RSRC1: variants seen among roughly 807,000 people sequenced by gnomAD.
RSRC1 encodes the protein arginine and serine rich coiled-coil 1.
RSRC1 carries 39 observed loss-of-function variants against 49.1 expected under a neutral mutation model. The observed-to-expected ratio is 0.79, with a 90% CI of 0.61 to 1.04. The LOEUF is 1.04. RSRC1 is among the 50% of genes least tolerant of loss of function. The pLI is 0.00. For synonymous variants in RSRC1, 143 were observed against 130.8 expected (o/e 1.09, Z -0.63); for missense variants, 388 against 402.4 (o/e 0.96, Z 0.31).
At chr3:158,265,043 TA>T (rs1228541953) in intron 4 of RSRC1, among the ~76,000 whole-genome samples, 2 of 152,208 alleles carry the variant, frequency 1.3e-5, no homozygotes, top group Non-Finnish European at 2.9e-5. Context: ...TGTGAACTCT[TA>T]ACTGCCTTGG....
intron 7 of RSRC1, among the ~76,000 whole-genome samples, chr3:158,487,949 G>GGAA (rs1553814781): frequency 0.014 from 417 of 28,930 alleles, 27 homozygotes; most frequent in Middle Eastern, 0.036. Context: ...TCCATCTCAA[G>GGAA]AAAAAAAAAA....
chr3:158,432,767 A>G (rs1455236309), intron 6 of RSRC1, among the ~76,000 whole-genome samples: 1 of 151,946 alleles, frequency 6.6e-6, no homozygotes, highest in Admixed American at 6.6e-5. Flanking sequence ...ATTTCTCATA[A>G]TATCAGGCAT....
chr3:158,247,798 A>G (rs1723990058), intron 4 of RSRC1, among the ~76,000 whole-genome samples: 1 of 151,982 alleles, frequency 6.6e-6, no homozygotes, highest in South Asian at 2.1e-4. Flanking sequence ...GCACTGACCT[A>G]TTGCCATCCT....
chr3:158,448,650 A>T (rs947084270), intron 6 of RSRC1, among the ~76,000 whole-genome samples: 2 of 151,974 alleles, frequency 1.3e-5, no homozygotes, highest in Admixed American at 1.3e-4. Flanking sequence ...TACTGCATAC[A>T]GCTGAATTAG....
At chr3:158,146,270 A>C (rs1717108896) in intron 3 of RSRC1, among the ~76,000 whole-genome samples, 1 of 152,176 alleles carries the variant, frequency 6.6e-6, no homozygotes, top group South Asian at 2.1e-4. Flanking sequence ...TGGGTTTGTC[A>C]TTAATAGCTC....
At chr3:158,281,781 G>C (rs529754978) in intron 4 of RSRC1, among the ~76,000 whole-genome samples, 1 of 152,214 alleles carries the variant, frequency 6.6e-6, no homozygotes, top group African/African-American at 2.4e-5. Flanking sequence ...GGGAACCACT[G>C]ATGACTTTAG....
chr3:158,132,057 C>T (rs1391943972), intron 3 of RSRC1: 1 of 421,538 alleles, frequency 2.4e-6, no homozygotes, highest in Non-Finnish European at 4.9e-6. Context: ...AATCTTGGCT[C>T]ACTGTAGCCT....
intron 3 of RSRC1, among the ~76,000 whole-genome samples, chr3:158,202,561 A>ATT (rs1263585130): frequency 0.048 from 1,519 of 31,978 alleles, 121 homozygotes; most frequent in East Asian, 0.1. Flanking sequence ...AGTCTGGTAG[A>ATT]TTATATATAT....
intron 3 of RSRC1, among the ~76,000 whole-genome samples, chr3:158,185,215 A>G (rs545380297): frequency 6.6e-6 from 1 of 151,952 alleles, no homozygotes; most frequent in African/African-American, 2.4e-5. Flanking sequence ...TTTGAAATGC[A>G]GTGTCTTTGA....
At chr3:158,430,076 A>T (rs946377333) in intron 6 of RSRC1, among the ~76,000 whole-genome samples, 1 of 149,558 alleles carries the variant, frequency 6.7e-6, no homozygotes, top group East Asian at 2.0e-4. Context: ...CACACACAAA[A>T]AAAATAAAAT....
chr3:158,199,655 A>C (rs1720910186), intron 3 of RSRC1, among the ~76,000 whole-genome samples: 1 of 152,144 alleles, frequency 6.6e-6, no homozygotes, highest in African/African-American at 2.4e-5. Context: ...TAAAACTATA[A>C]ATTTCTCCCT....
intron 7 of RSRC1, among the ~76,000 whole-genome samples, chr3:158,518,963 A>T (rs1183352992): frequency 1.3e-5 from 2 of 151,906 alleles, no homozygotes; most frequent in Non-Finnish European, 2.9e-5. Context: ...TTACTTCCAA[A>T]TTTTTATCTG....
intron 6 of RSRC1, among the ~76,000 whole-genome samples, chr3:158,425,147 T>C (rs1165560576): frequency 1.3e-5 from 2 of 151,832 alleles, no homozygotes; most frequent in Non-Finnish European, 2.9e-5. Flanking sequence ...GCTCTTGCTT[T>C]TCTAGTTCTT....
At chr3:158,476,258 C>T (rs538537220) in intron 7 of RSRC1, among the ~76,000 whole-genome samples, 2 of 152,092 alleles carry the variant, frequency 1.3e-5, no homozygotes, top group African/African-American at 2.4e-5. Context: ...GTCTTCGTAA[C>T]GTAAAAGTGC....
At chr3:158,396,365 A>T (rs759675639) in intron 6 of RSRC1, among the ~76,000 whole-genome samples, 2 of 151,392 alleles carry the variant, frequency 1.3e-5, no homozygotes, top group African/African-American at 4.9e-5. Flanking sequence ...AATCCCAATT[A>T]TAAGCTGCTT....
At chr3:158,411,640 C>T (rs1734471298) in intron 6 of RSRC1, among the ~76,000 whole-genome samples, 1 of 152,030 alleles carries the variant, frequency 6.6e-6, no homozygotes, top group African/African-American at 2.4e-5. Context: ...ACCTCAGCCT[C>T]CAGAGACACT....
chr3:158,381,777 A>T (rs1185230379), intron 6 of RSRC1, among the ~76,000 whole-genome samples: 1 of 152,180 alleles, frequency 6.6e-6, no homozygotes, highest in Non-Finnish European at 1.5e-5. Flanking sequence ...TATGCTATAA[A>T]AGATAAAAAA....
rs200007102 is a variant in RSRC1, at chr3:158,238,362, AC to A, written c.494+35118del. ...GACTTTCTTCACAGAATTGGAAAAA[AC>A]TACTTTAAAGTTCATATGGAACCAA... is the stretch of plus-strand genomic sequence containing the variant. On this transcript the variant is annotated intron_variant, in intron 4 of 9. Transcript: ENST00000611884. Among the ~76,000 whole-genome samples the A allele has an allele frequency of 8.9e-3, 1,359 of 152,274 alleles. 19 individuals are homozygous for A. Among genetic ancestry groups the A allele is most frequent in the African/African-American group, 0.031 (1,302 of 41,542 alleles).
At chr3:158,322,289 G>A (rs1438525346) in intron 5 of RSRC1, among the ~76,000 whole-genome samples, 2 of 152,082 alleles carry the variant, frequency 1.3e-5, no homozygotes, top group Non-Finnish European at 2.9e-5. Context: ...GGTAGAGATG[G>A]GATCTTACTA....
Sources: gnomAD v4.1 joint callset for allele counts (sites outside exome capture counted in the v4.1 genomes callset) on GRCh38, gnomAD v4.1.1 for gene constraint, MANE v1.5 for transcripts, NCBI Gene and HGNC (gene_info 2026-07-23, HGNC 2026-07-21) for gene names.